Variants in MEI4 observed in about 807,000 individuals in gnomAD.
The protein encoded by MEI4 is meiosis-specific protein MEI4.
In MEI4, 27 loss-of-function variants were observed where a neutral mutation model predicts 31.4. The observed-to-expected ratio is 0.86, with a 90% confidence interval of 0.63 to 1.19. The LOEUF (loss-of-function observed/expected upper bound fraction) is 1.19, where lower values mean the gene tolerates loss of function less well. Among genes scored for constraint, MEI4 ranks in the 50% most tolerant of loss-of-function variants. The probability of loss-of-function intolerance (pLI) is 0.00; values close to 1 mark genes in which losing one functional copy is unlikely to be tolerated. For synonymous variants in MEI4, 122 were observed against 145.4 expected (o/e 0.84, Z 1.16); for missense variants, 329 against 398.9 (o/e 0.82, Z 1.49).
At chr6:77,850,421 C>T (rs1051145360) in intron 4 of MEI4, among the ~76,000 whole-genome samples, 4 of 152,264 alleles carry the variant, frequency 2.6e-5, no homozygotes, top group East Asian at 1.9e-4. Context: ...CAGCATGGTA[C>T]TGGTACCAAA....
At chr6:77,739,734 A>T (rs2127672167) in intron 2 of MEI4, among the ~76,000 whole-genome samples, 1 of 152,254 alleles carries the variant, frequency 6.6e-6, no homozygotes, top group East Asian at 1.9e-4. Context: ...AGAATTAAAA[A>T]AAAAAATAGG....
chr6:77,769,871 C>A (rs987564046), intron 3 of MEI4, among the ~76,000 whole-genome samples: 2 of 151,952 alleles, frequency 1.3e-5, no homozygotes, highest in Admixed American at 6.6e-5. Context: ...TTACCACAGG[C>A]CTTGGGTGAG....
At position 77,872,891 on chromosome 6, in the gene MEI4, C is replaced by T. The variant is rs558897436; in HGVS notation, c.900+43829C>T. Among the ~76,000 whole-genome samples, 228 of 151,352 alleles carry T rather than the reference C, an allele frequency of 1.5e-3. 2 individuals carry two copies. Among genetic ancestry groups the T allele is most frequent in the African/African-American group, 5.2e-3 (213 of 41,218 alleles). On this transcript the variant is annotated intron_variant, in intron 4 of 4. Coordinates refer to ENST00000684080, the MANE Select transcript of MEI4 (RefSeq NM_001322247.2). ...TGATGATTTCCAGTTTCATCCATGT[C>T]CCTACAAAGGACATGAACTCATCAT...
chr6:77,736,915 A>T (rs1188258695), intron 2 of MEI4, among the ~76,000 whole-genome samples: 1 of 152,076 alleles, frequency 6.6e-6, no homozygotes, highest in Non-Finnish European at 1.5e-5. Context: ...GGATTTAGAG[A>T]GCTATGGGTA....
In MEI4 at chr6:77,924,188, T is replaced by C. The variant is rs1468652520; in HGVS notation, c.*842T>C. ...ATTAAAATCATAACCGCAAACTTAA[T>C]GAGCATATGTTACATTTCCTATAGT... On this transcript the variant is annotated 3_prime_UTR_variant, in exon 5 of 5. Transcript: ENST00000684080. 1 of 151,860 alleles carries C rather than the reference T, an allele frequency of 6.6e-6. No homozygotes were observed. Among genetic ancestry groups the C allele is most frequent in the Non-Finnish European group, 1.5e-5 (1 of 67,868 alleles). 9.4% of individuals were successfully genotyped at this position (151,860 alleles called of 1,614,324 possible). A position where few individuals can be genotyped will look rare whatever the true frequency, so the allele number is the denominator to read the frequency against.
chr6:77,806,090 A>T (rs1414287324), intron 3 of MEI4, among the ~76,000 whole-genome samples: 1 of 152,132 alleles, frequency 6.6e-6, no homozygotes, highest in Non-Finnish European at 1.5e-5. Flanking sequence ...ATCTCATTAT[A>T]GTCTTGGCCA....
intron 3 of MEI4, among the ~76,000 whole-genome samples, chr6:77,803,380 T>C (rs1769328486): frequency 5.3e-5 from 8 of 152,174 alleles, no homozygotes; most frequent in Admixed American, 5.2e-4. Context: ...GGTCTAATTT[T>C]TTTTCAAGAT....
chr6:77,852,767 T>C (rs1770658649), intron 4 of MEI4, among the ~76,000 whole-genome samples: 1 of 152,076 alleles, frequency 6.6e-6, no homozygotes, highest in Admixed American at 6.6e-5. Context: ...TCTCCCCTTA[T>C]GACTCTAATC....
At chr6:77,859,570 G>T (rs1770821497) in intron 4 of MEI4, among the ~76,000 whole-genome samples, 1 of 152,270 alleles carries the variant, frequency 6.6e-6, no homozygotes, top group East Asian at 1.9e-4. Flanking sequence ...TGAGTGTCAT[G>T]AGATGGTATC....
In MEI4 at chr6:77,721,887, C is replaced by G. The variant is rs1278747918; in HGVS notation, c.232+30984C>G. 8.5e-4 allele frequency among the ~76,000 whole-genome samples: 100 copies of G among 117,494 alleles called. 18 individuals are homozygous for G. The highest frequency in any genetic ancestry group is 3.1e-3 in the African/African-American group (97 of 31,040). 77.1% of individuals were successfully genotyped at this position (117,494 alleles called of 152,430 possible). On this transcript the variant is annotated intron_variant, in intron 2 of 4. Transcript: ENST00000684080. ...TATAACAGTCAATTAATTTATCTTT[C>G]GTTTCTGCAGCACATAAAATATCAT...
chr6:77,741,055 C>T (rs968822273), intron 2 of MEI4, among the ~76,000 whole-genome samples: 1 of 151,966 alleles, frequency 6.6e-6, no homozygotes, highest in African/African-American at 2.4e-5. Context: ...GGGATGGTTT[C>T]ACAGAAAATT....
At chr6:77,703,856 A>T (rs565965973) in intron 2 of MEI4, among the ~76,000 whole-genome samples, 1 of 152,158 alleles carries the variant, frequency 6.6e-6, no homozygotes, top group Admixed American at 6.5e-5. Context: ...TTTCTGATAC[A>T]CTTCCAGGTC....
chr6:77,816,654 C>T lies in MEI4; in HGVS notation c.769-12277C>T, dbSNP rs1046759931. On this transcript the variant is annotated intron_variant, in intron 3 of 4. Coordinates refer to ENST00000684080, the MANE Select transcript of MEI4 (RefSeq NM_001322247.2). ...GATTTATAATCCTTTGGGTATATAC[C>T]CAGTAATGGGATGGCTGGGTCAAAT... 3.9e-5 allele frequency among the ~76,000 whole-genome samples: 6 copies of T among 151,994 alleles called. No individual in the cohort carries two copies. In the East Asian group the frequency reaches 1.2e-3, roughly 29 times the overall value.
Position 77,653,288 on chromosome 6 carries a change from AG to A in MEI4, c.-15+199del, listed in dbSNP as rs576683252. ...CATTGATTACCATTAGGGAAAGAAAAGGGTTTTGGGTATGGCAAATTGATGT... is the reference window on the plus strand; with the variant it reads ...CATTGATTACCATTAGGGAAAGAAAAGGTTTTGGGTATGGCAAATTGATGT... On this transcript the variant is annotated intron_variant, in intron 1 of 4. Transcript: ENST00000684080. Among the ~76,000 whole-genome samples the A allele has an allele frequency of 2.3e-3, 353 of 152,290 alleles. 3 individuals are homozygous for A. Among genetic ancestry groups the A allele is most frequent in the African/African-American group, 7.5e-3 (312 of 41,562 alleles).
chr6:77,842,679 T>C (rs575897476), intron 4 of MEI4, among the ~76,000 whole-genome samples: 8 of 152,204 alleles, frequency 5.3e-5, no homozygotes, highest in African/African-American at 1.9e-4. Context: ...TAAGCATTCT[T>C]TTCCCACAGT....
chr6:77,696,025 A>T (rs976997150), intron 2 of MEI4, among the ~76,000 whole-genome samples: 1 of 152,054 alleles, frequency 6.6e-6, no homozygotes, highest in African/African-American at 2.4e-5. Flanking sequence ...TCTTTGAAGC[A>T]ATTGTGAATG....
rs1294086761 is a variant in MEI4, at chr6:77,926,280, T to A, written c.*2934T>A. 6.6e-6 allele frequency: 1 copy of A among 151,956 alleles called. No individual in the cohort carries two copies. Among genetic ancestry groups the A allele is most frequent in the Non-Finnish European group, 1.5e-5 (1 of 67,946 alleles). The allele number at this position is 151,956 out of a possible 1,614,324, so 9.4% of individuals were successfully genotyped here. ...TGCTGTAAACAAGTTGTCCTATCTA[T>A]AAGTAAACCAGAGGAACAGCATCTT... is the stretch of plus-strand genomic sequence containing the variant. On this transcript the variant is annotated 3_prime_UTR_variant, in exon 5 of 5. Transcript: ENST00000684080.
intron 4 of MEI4, among the ~76,000 whole-genome samples, chr6:77,913,850 A>G (rs1034632915): frequency 6.6e-5 from 10 of 151,372 alleles, no homozygotes; most frequent in Non-Finnish European, 1.2e-4. Flanking sequence ...TGGCTAACAC[A>G]GTGAAACCCC....
chr6:77,671,771 A>C (rs950384256), intron 1 of MEI4, among the ~76,000 whole-genome samples: 11 of 152,162 alleles, frequency 7.2e-5, no homozygotes, highest in Admixed American at 6.5e-5. Flanking sequence ...AAGGGGAATG[A>C]ACAGGGCAGG....
Sources: gnomAD v4.1 joint callset for allele counts (sites outside exome capture counted in the v4.1 genomes callset) on GRCh38, gnomAD v4.1.1 for gene constraint, MANE v1.5 for transcripts, NCBI Gene and HGNC (gene_info 2026-07-23, HGNC 2026-07-21) for gene names.